The following CADM1 variants were observed in gnomAD, a reference collection of about 807,000 sequenced individuals.
CADM1 encodes cell adhesion molecule 1.
In CADM1, 15 loss-of-function variants were observed where a neutral mutation model predicts 53.1. That is an observed-to-expected ratio of 0.28 (90% confidence interval 0.19 to 0.44). The LOEUF is 0.44. Ranked by LOEUF, CADM1 falls within the 20% of genes least tolerant of loss-of-function variation. The pLI is 1.00. For synonymous variants in CADM1, 281 were observed against 243.0 expected (o/e 1.16, Z -1.45); for missense variants, 434 against 611.3 (o/e 0.71, Z 3.06).
At chr11:115,273,121 C>G (rs545071862) in intron 1 of CADM1, among the ~76,000 whole-genome samples, 1 of 152,252 alleles carries the variant, frequency 6.6e-6, no homozygotes, top group South Asian at 2.1e-4. Flanking sequence ...GATATCCTAA[C>G]AAGATACTAA....
In CADM1 at chr11:115,299,889, G is replaced by A. The variant is rs1343276241; in HGVS notation, c.125-59469C>T. ...GAATTTGCAATGTTTAAAAATGGGAGAAATACACTATTTGATTCAATGTTC... is the reference window on the plus strand; with the variant it reads ...GAATTTGCAATGTTTAAAAATGGGAAAAATACACTATTTGATTCAATGTTC... On this transcript the variant is annotated intron_variant, in intron 1 of 11. Transcript: ENST00000331581. Among the ~76,000 whole-genome samples, 3 of 152,216 alleles carry A rather than the reference G, an allele frequency of 2.0e-5. No individual in the cohort carries two copies. The East Asian group carries it at 5.8e-4, about 29-fold the overall frequency.
At chr11:115,480,145 C>G (rs556836094) in intron 1 of CADM1, among the ~76,000 whole-genome samples, 2 of 152,284 alleles carry the variant, frequency 1.3e-5, no homozygotes, top group South Asian at 2.1e-4. Flanking sequence ...ATCATCTCCA[C>G]TTAAGAAAAG....
At chr11:115,355,978 A>G (rs1945860439) in intron 1 of CADM1, among the ~76,000 whole-genome samples, 1 of 152,040 alleles carries the variant, frequency 6.6e-6, no homozygotes. Flanking sequence ...GATTATAGGC[A>G]TGTGCCACCA....
intron 5 of CADM1, among the ~76,000 whole-genome samples, chr11:115,223,072 A>C (rs1941464906): frequency 6.6e-6 from 1 of 152,218 alleles, no homozygotes; most frequent in Non-Finnish European, 1.5e-5. Context: ...TGAATGAAGG[A>C]ATAAGTGAAT....
intron 8 of CADM1, among the ~76,000 whole-genome samples, chr11:115,199,039 G>C (rs961087991): frequency 6.6e-6 from 1 of 152,136 alleles, no homozygotes; most frequent in Non-Finnish European, 1.5e-5. Flanking sequence ...TAGCCAGAAA[G>C]TTCAATTAAC....
At chr11:115,239,332 C>T (rs545068359) in intron 2 of CADM1, among the ~76,000 whole-genome samples, 2 of 152,158 alleles carry the variant, frequency 1.3e-5, no homozygotes, top group Non-Finnish European at 2.9e-5. Context: ...CTCGAGCCTA[C>T]GGAGGCCTTA....
At chr11:115,312,731 T>C (rs757509390) in intron 1 of CADM1, among the ~76,000 whole-genome samples, 4 of 152,086 alleles carry the variant, frequency 2.6e-5, no homozygotes, top group African/African-American at 4.8e-5. Context: ...ACCTAAAACA[T>C]CAGATGACTA....
At chr11:115,365,846 A>G (rs1241288476) in intron 1 of CADM1, among the ~76,000 whole-genome samples, 2 of 152,214 alleles carry the variant, frequency 1.3e-5, no homozygotes, top group Non-Finnish European at 2.9e-5. Context: ...ACTAAGAATC[A>G]ATTTTTAGGA....
intron 5 of CADM1, among the ~76,000 whole-genome samples, chr11:115,225,192 A>G (rs1941557916): frequency 6.6e-6 from 1 of 152,118 alleles, no homozygotes; most frequent in South Asian, 2.1e-4. Flanking sequence ...AAACCTTATT[A>G]ATGAGCTTGC....
intron 1 of CADM1, among the ~76,000 whole-genome samples, chr11:115,493,698 G>T (rs1310190110): frequency 6.6e-6 from 1 of 152,162 alleles, no homozygotes; most frequent in African/African-American, 2.4e-5. Flanking sequence ...GAAGTTGGCA[G>T]TATCAGCTAT....
chr11:115,201,936 C>A (rs1940448003), intron 8 of CADM1, among the ~76,000 whole-genome samples: 1 of 152,144 alleles, frequency 6.6e-6, no homozygotes, highest in Non-Finnish European at 1.5e-5. Flanking sequence ...ACGGTCTTAA[C>A]AGTCACTCTC....
At chr11:115,192,948 A>G (rs952678071) in intron 9 of CADM1, among the ~76,000 whole-genome samples, 16 of 152,352 alleles carry the variant, frequency 1.1e-4, no homozygotes, top group South Asian at 2.1e-4. Context: ...GGCTACTGGC[A>G]TTAAATTTGT....
chr11:115,472,889 C>A (rs1275462761), intron 1 of CADM1, among the ~76,000 whole-genome samples: 1 of 151,850 alleles, frequency 6.6e-6, no homozygotes, highest in Non-Finnish European at 1.5e-5. Context: ...CGAAAAAAAA[C>A]CTTAGATTTC....
At chr11:115,280,666 C>T (rs1943562138) in intron 1 of CADM1, among the ~76,000 whole-genome samples, 1 of 152,216 alleles carries the variant, frequency 6.6e-6, no homozygotes. Flanking sequence ...CCTGCAACAG[C>T]TACGACTCAG....
At position 115,176,361 on chromosome 11, in the gene CADM1, C is replaced by T. The variant is rs1398248892; in HGVS notation, c.*113G>A. 6.3e-7 allele frequency: 1 copy of T among 1,592,884 alleles called. No homozygotes were observed. Among genetic ancestry groups the T allele is most frequent in the Non-Finnish European group, 8.6e-7 (1 of 1,167,180 alleles). On this transcript the variant is annotated 3_prime_UTR_variant, in exon 12 of 12. Transcript: ENST00000331581. ...ATCCCAAGCCTTCCCAGTCTCACAC[C>T]TTTCCACCCATTCATAAAAAAACAC...
intron 1 of CADM1, among the ~76,000 whole-genome samples, chr11:115,364,177 A>G (rs1946099319): frequency 6.6e-6 from 1 of 152,182 alleles, no homozygotes; most frequent in Admixed American, 6.5e-5. Context: ...AATTTCAGAT[A>G]TGTTCATTCT....
chr11:115,212,662 A>G (rs1941015086), intron 7 of CADM1, among the ~76,000 whole-genome samples: 2 of 152,246 alleles, frequency 1.3e-5, no homozygotes, highest in African/African-American at 4.8e-5. Context: ...AGCAGTGAGA[A>G]TAAGAGAATA....
chr11:115,250,478 C>G (rs1942567452), intron 1 of CADM1, among the ~76,000 whole-genome samples: 1 of 152,114 alleles, frequency 6.6e-6, no homozygotes, highest in Admixed American at 6.5e-5. Flanking sequence ...AATCATAAGA[C>G]TGTAACGGGT....
chr11:115,334,026 T>C (rs1490337545), intron 1 of CADM1, among the ~76,000 whole-genome samples: 1 of 152,206 alleles, frequency 6.6e-6, no homozygotes, highest in African/African-American at 2.4e-5. Context: ...ATGTTCATTA[T>C]GCATGAGCCT....
Sources: gnomAD v4.1 joint callset for allele counts (sites outside exome capture counted in the v4.1 genomes callset) on GRCh38, gnomAD v4.1.1 for gene constraint, MANE v1.5 for transcripts, NCBI Gene and HGNC (gene_info 2026-07-23, HGNC 2026-07-21) for gene names.